The following SYNE1 variants were observed in gnomAD, a reference collection of about 807,000 sequenced individuals.
SYNE1 encodes the protein spectrin repeat containing nuclear envelope protein 1.
Under a neutral mutation model 1,111.0 loss-of-function variants are expected in SYNE1, and 616 were observed. The observed-to-expected ratio is 0.55, with a 90% CI of 0.52 to 0.59. The LOEUF (loss-of-function observed/expected upper bound fraction) is 0.59. Ranked by LOEUF, SYNE1 falls within the 20% of genes least tolerant of loss-of-function variation. The pLI is 0.00. For synonymous variants in SYNE1, 3,855 were observed against 3,825.8 expected (o/e 1.01, Z -0.28); for missense variants, 10,006 against 10,417.0 (o/e 0.96, Z 1.72).
intron 3 of SYNE1, among the ~76,000 whole-genome samples, chr6:152,592,166 T>C (rs2099568775): frequency 6.6e-6 from 1 of 152,084 alleles, no homozygotes. Flanking sequence ...ATCTTATTAC[T>C]GGGTGTATGC....
In SYNE1 at chr6:152,145,443, A is replaced by C. The variant is rs74709220; in HGVS notation, c.24977-1678T>G. On this transcript the variant is annotated intron_variant, in intron 137 of 145. Transcript: ENST00000367255. ...GATGTGCTAAGAGAGGAGGATTGCT[A>C]TACAGGGGAGGGAGGGAGGCTGGCT... The C allele has an allele frequency of 0.015, 23,918 of 1,571,464 alleles. 1,367 individuals carry two copies. Among genetic ancestry groups the C allele is most frequent in the South Asian group, 0.13 (11,819 of 89,968 alleles).
chr6:152,367,714 T>G (rs2097105034), intron 61 of SYNE1: 8 of 337,192 alleles, frequency 2.4e-5, no homozygotes, highest in South Asian at 2.3e-4. Flanking sequence ...CATATCACAT[T>G]AGGCTCACCT....
In SYNE1 at chr6:152,435,961, T is replaced by A; in HGVS notation, c.4290A>T (p.Leu1430Phe). The A allele has an allele frequency of 6.2e-7, 1 of 1,614,182 alleles. No individual in the cohort carries two copies. The highest frequency in any genetic ancestry group is 1.3e-5 in the African/African-American group (1 of 75,070). ...AKSIKEQVKK[L>F]EDTLEEDIKT... ...CATACTCTTCTTCAAGCGTGTCTTC[T>A]AATTTTTTGACTTGTTCTTTGATTG... Residue 1430 changes from leucine (L) to phenylalanine (F), a missense_variant, in exon 33 of 146, where the codon TTA (leucine) becomes TTT (phenylalanine). Coordinates refer to ENST00000367255, the MANE Select transcript of SYNE1 (RefSeq NM_182961.4).
At chr6:152,313,619 C>T (rs1385088394) in intron 87 of SYNE1, among the ~76,000 whole-genome samples, 3 of 152,012 alleles carry the variant, frequency 2.0e-5, no homozygotes, top group Non-Finnish European at 4.4e-5. Context: ...CTCCCAACCA[C>T]GTCCAGCTAA....
In SYNE1 at chr6:152,399,723, C is replaced by A. The variant is rs1179756057; in HGVS notation, c.7130G>T (p.Ser2377Ile). ...CRKYHSAELE[S>I]LGRAMTGLIK... ...CAGACCAGTCATTGCACGGCCCAGG[C>A]TCTCCAACTCAGCTGAGTGGTACTT... The change falls in exon 48 of 146, where the codon AGC (serine) becomes ATC (isoleucine). Residue 2377 changes from serine (S) to isoleucine (I), a missense_variant. By Grantham distance (142) the Ser-to-Ile change is moderately radical. Around this residue, in one of 7 missense-constraint regions of SYNE1, gnomAD observed 4,955 missense variants for 5,017.2 expected, o/e 0.99. Coordinates refer to ENST00000367255, the MANE Select transcript of SYNE1 (RefSeq NM_182961.4). The A allele has an allele frequency of 6.2e-7, 1 of 1,614,046 alleles. No individual in the cohort carries two copies. The highest frequency in any genetic ancestry group is 8.5e-7 in the Non-Finnish European group (1 of 1,180,028).
At chr6:152,311,578 A>C (rs534661418) in intron 87 of SYNE1, among the ~76,000 whole-genome samples, 1 of 152,298 alleles carries the variant, frequency 6.6e-6, no homozygotes, top group East Asian at 1.9e-4. Context: ...GGTCTCCGGG[A>C]AGAATCACAT....
In SYNE1 at chr6:152,308,486, C is replaced by T. The variant is rs773388166; in HGVS notation, c.17346+3G>A. 1 of 1,614,170 alleles carries T rather than the reference C, an allele frequency of 6.2e-7. No homozygotes were observed. Among genetic ancestry groups the T allele is most frequent in the East Asian group, 2.2e-5 (1 of 44,874 alleles). On this transcript the variant is annotated splice_donor_region_variant and intron_variant, in intron 91 of 145. Coordinates refer to ENST00000367255, the MANE Select transcript of SYNE1 (RefSeq NM_182961.4). ...CTCGGTATTTCGCCTACATTCCTCT[C>T]ACCTCATGCCGAGAAATCTGAGCCT... is the stretch of plus-strand genomic sequence containing the variant.
Position 152,247,792 on chromosome 6 carries a change from AAAAT to A in SYNE1, c.19572+1365_19572+1368del, listed in dbSNP as rs767071247. Among the ~76,000 whole-genome samples the A allele has an allele frequency of 1.0e-4, 14 of 139,392 alleles. No homozygotes were observed. The East Asian group carries it at 1.5e-3, about 14-fold the overall frequency. 91.4% of individuals were successfully genotyped at this position (139,392 alleles called of 152,430 possible). A position where few individuals can be genotyped will look rare whatever the true frequency, so the allele number is the denominator to read the frequency against. On this transcript the variant is annotated intron_variant, in intron 105 of 145. Coordinates refer to ENST00000367255, the MANE Select transcript of SYNE1 (RefSeq NM_182961.4). ...ACACACACACACACATATATTTTTA[AAAAT>A]AAATAAAAAGAAAAATGCACACTCA...
intron 11 of SYNE1, among the ~76,000 whole-genome samples, chr6:152,493,821 T>C (rs2098984782): frequency 6.6e-6 from 1 of 152,118 alleles, no homozygotes; most frequent in Admixed American, 6.5e-5. Flanking sequence ...CATAGTTAGG[T>C]ACTTTCGCCT....
chr6:152,346,188 A>G (rs2096626919), intron 73 of SYNE1, among the ~76,000 whole-genome samples: 1 of 152,068 alleles, frequency 6.6e-6, no homozygotes, highest in South Asian at 2.1e-4. Flanking sequence ...TTTTATTTAG[A>G]CGGAGTCTCA....
intron 41 of SYNE1, 87 bp from the exon 42 acceptor site, chr6:152,413,618 AAGCACTCATTT>A: frequency 7.4e-7 from 1 of 1,357,070 alleles, no homozygotes; most frequent in Admixed American, 1.8e-5. Context: ...TGAGTCCATA[AAGCACTCATTT>A]AGACAGCTAG....
chr6:152,523,344 G>C (rs969327192), intron 5 of SYNE1, among the ~76,000 whole-genome samples: 6 of 151,960 alleles, frequency 3.9e-5, no homozygotes, highest in African/African-American at 1.4e-4. Context: ...TGAATGCTTT[G>C]TCAAAGATCA....
intron 33 of SYNE1, 40 bp downstream of exon 33, chr6:152,435,901 T>C (rs368673780): frequency 6.2e-7 from 1 of 1,612,106 alleles, no homozygotes. Flanking sequence ...TATGAAACTT[T>C]ATCTCAGAGA....
chr6:152,171,317 A>G (rs1241216941), intron 130 of SYNE1, among the ~76,000 whole-genome samples: 4 of 152,244 alleles, frequency 2.6e-5, no homozygotes, highest in Non-Finnish European at 4.4e-5. Context: ...TGCTTTGTGT[A>G]TGCTTTCATT....
chr6:152,324,550 T>G (rs190867057), intron 81 of SYNE1, among the ~76,000 whole-genome samples: 2 of 152,216 alleles, frequency 1.3e-5, no homozygotes, highest in Admixed American at 6.5e-5. Context: ...TCCCAGCACT[T>G]GGCGGGGGCT....
At chr6:152,598,097 G>A (rs1215530460) in intron 3 of SYNE1, among the ~76,000 whole-genome samples, 1 of 152,106 alleles carries the variant, frequency 6.6e-6, no homozygotes, top group East Asian at 1.9e-4. Flanking sequence ...TTCAGAAACT[G>A]ATATGGTTTG....
chr6:152,343,983 G>A (rs2096585818), intron 74 of SYNE1, 98 bp downstream of exon 74: 1 of 1,525,550 alleles, frequency 6.6e-7, no homozygotes, highest in African/African-American at 1.4e-5. Context: ...AGATTCCCAG[G>A]AGTCAATACA....
chr6:152,124,354 C>G (rs1018933361), intron 145 of SYNE1, among the ~76,000 whole-genome samples: 1 of 152,158 alleles, frequency 6.6e-6, no homozygotes, highest in African/African-American at 2.4e-5. Context: ...ACAGGCAGCA[C>G]GCAGTGTTTC....
intron 60 of SYNE1, 135 bp downstream of exon 60, chr6:152,369,336 C>A: frequency 1.4e-6 from 2 of 1,448,662 alleles, no homozygotes; most frequent in Non-Finnish European, 9.5e-7. Flanking sequence ...TAAAATCCAC[C>A]AGAAATGGGG....
Sources: allele counts gnomAD v4.1 joint callset (sites outside exome capture counted in the v4.1 genomes callset), GRCh38; gene constraint gnomAD v4.1.1; regional missense constraint gnomAD v4.1.1; transcripts MANE v1.5; gene names NCBI Gene and HGNC (gene_info 2026-07-23, HGNC 2026-07-21).